Variants in NPAS3 observed in about 807,000 individuals in gnomAD.
NPAS3 encodes neuronal PAS domain protein 3.
A neutral mutation model predicts 73.1 loss-of-function variants in NPAS3; 14 were observed. The observed-to-expected ratio is 0.19, with a 90% CI of 0.13 to 0.30. The LOEUF (loss-of-function observed/expected upper bound fraction) is 0.30. Ranked by LOEUF, NPAS3 falls within the 10% of genes least tolerant of loss-of-function variation. The pLI, the probability that NPAS3 is intolerant of heterozygous loss-of-function variation, is 1.00. For missense variants in NPAS3, 1,096 were observed against 1,250.0 expected, an observed-to-expected ratio of 0.88 and a Z score of 1.86; for synonymous variants, 620 against 541.5, an observed-to-expected ratio of 1.14 and a Z score of -2.01.
intron 1 of NPAS3, among the ~76,000 whole-genome samples, chr14:33,044,642 G>T (rs1221049095): frequency 1.3e-5 from 2 of 150,210 alleles, no homozygotes; most frequent in African/African-American, 2.4e-5. Context: ...AATTCTAAGA[G>T]TGAGTTAGTT....
At chr14:33,617,053 C>CA (rs2057942073) in intron 5 of NPAS3, among the ~76,000 whole-genome samples, 1 of 152,148 alleles carries the variant, frequency 6.6e-6, no homozygotes, top group Non-Finnish European at 1.5e-5. Flanking sequence ...ATGAATCTGT[C>CA]AAAAAATTTC....
intron 5 of NPAS3, among the ~76,000 whole-genome samples, chr14:33,662,833 C>T (rs1457678374): frequency 4.2e-5 from 6 of 142,308 alleles, no homozygotes; most frequent in Non-Finnish European, 9.1e-5. Flanking sequence ...TGCTTATCAG[C>T]TTGAGGAGAT....
intron 1 of NPAS3, among the ~76,000 whole-genome samples, chr14:33,008,094 C>A: frequency 6.6e-6 from 1 of 151,900 alleles, no homozygotes; most frequent in East Asian, 1.9e-4. Context: ...AAAATAATTC[C>A]TAATAAAATG....
chr14:33,262,376 A>T (rs138876567), intron 3 of NPAS3, among the ~76,000 whole-genome samples: 15 of 152,354 alleles, frequency 9.8e-5, no homozygotes, highest in Admixed American at 7.2e-4. Context: ...TTCAAGTTCT[A>T]TACACAACCA....
rs747161536 is a variant in NPAS3, at chr14:33,298,932, C to CT, written c.386-68253dup. 7.9e-5 allele frequency among the ~76,000 whole-genome samples: 12 copies of CT among 152,258 alleles called. No homozygotes were observed. In the South Asian group the frequency reaches 2.5e-3, roughly 32 times the overall value. Reference sequence around the variant, plus strand: ...CCTATAATGGTGACTGCTTCAAGGACTGGGGGGCCTGTATTCATTTTATAA... The same window carrying CT: ...CCTATAATGGTGACTGCTTCAAGGACTTGGGGGGCCTGTATTCATTTTATAA... On this transcript the variant is annotated intron_variant, in intron 3 of 11. Coordinates refer to ENST00000356141, the Ensembl canonical transcript of NPAS3.
At chr14:33,031,502 G>GT (rs1203780351) in intron 1 of NPAS3, among the ~76,000 whole-genome samples, 2 of 151,988 alleles carry the variant, frequency 1.3e-5, no homozygotes, top group Non-Finnish European at 2.9e-5. Context: ...CTGTTTGTTT[G>GT]TTTTTTTAGA....
intron 5 of NPAS3, among the ~76,000 whole-genome samples, chr14:33,566,153 T>C (rs2055920871): frequency 6.6e-6 from 1 of 152,144 alleles, no homozygotes. Context: ...TTTAAATTGA[T>C]AAATGCTTGG....
chr14:33,566,673 T>C (rs533364425), intron 5 of NPAS3, among the ~76,000 whole-genome samples: 3 of 152,298 alleles, frequency 2.0e-5, no homozygotes, highest in Admixed American at 2.0e-4. Flanking sequence ...CATCGCCACC[T>C]TGAGCAGAGT....
intron 5 of NPAS3, among the ~76,000 whole-genome samples, chr14:33,626,191 T>C (rs1231444863): frequency 6.6e-6 from 1 of 152,148 alleles, no homozygotes; most frequent in Non-Finnish European, 1.5e-5. Context: ...GGAATGAAAA[T>C]GAATACGAAT....
rs145645713 is a variant in NPAS3 at position 33,228,823 on chromosome 14, C to T, written c.385+13397C>T. ...ACTGTGGGATCCAGGATGATTAACG[C>T]GAAAGGAGAAAAAGACGGTAGTCCT... On this transcript the variant is annotated intron_variant, in intron 3 of 11. Coordinates refer to ENST00000356141, the Ensembl canonical transcript of NPAS3. 5.5e-3 allele frequency among the ~76,000 whole-genome samples: 833 copies of T among 151,950 alleles called. 2 individuals are homozygous for T. The highest frequency in any genetic ancestry group is 0.024 in the Middle Eastern group (7 of 294).
chr14:33,495,896 A>C (rs1011986168), intron 4 of NPAS3, among the ~76,000 whole-genome samples: 1 of 152,116 alleles, frequency 6.6e-6, no homozygotes, highest in Admixed American at 6.6e-5. Flanking sequence ...CCTTCAAAAA[A>C]ATCAATGAAT....
In NPAS3 at chr14:33,016,750, T is replaced by A. The variant is rs923033169; in HGVS notation, c.51-39155T>A. Among the ~76,000 whole-genome samples, 3 of 152,078 alleles carry A rather than the reference T, an allele frequency of 2.0e-5. No homozygotes were observed. In the East Asian group the frequency reaches 5.8e-4, roughly 29 times the overall value. On this transcript the variant is annotated intron_variant, in intron 1 of 11. Coordinates refer to ENST00000356141, the Ensembl canonical transcript of NPAS3. ...ACTTAACCATTTATTTCTCTGTAACTCCCCTTGCGGCCTTCTGCCCCACCT... is the reference window on the plus strand; with the variant it reads ...ACTTAACCATTTATTTCTCTGTAACACCCCTTGCGGCCTTCTGCCCCACCT...
chr14:33,334,281 T>A (rs1157500600), intron 3 of NPAS3, among the ~76,000 whole-genome samples: 1 of 152,132 alleles, frequency 6.6e-6, no homozygotes, highest in Non-Finnish European at 1.5e-5. Context: ...GGTTAGAAAA[T>A]TTTTAGTAAA....
chr14:33,793,437 C>G (rs1401275234), intron 9 of NPAS3, among the ~76,000 whole-genome samples: 1 of 152,166 alleles, frequency 6.6e-6, no homozygotes, highest in South Asian at 2.1e-4. Context: ...ATTGCTCACA[C>G]GGAGGAGAAA....
intron 4 of NPAS3, among the ~76,000 whole-genome samples, chr14:33,466,950 G>A (rs573882587): frequency 6.6e-6 from 1 of 152,276 alleles, no homozygotes; most frequent in Non-Finnish European, 1.5e-5. Context: ...CCTTGAAGGA[G>A]GTAATAAAAG....
chr14:33,671,454 G>A (rs2140315890), intron 5 of NPAS3, among the ~76,000 whole-genome samples: 1 of 152,302 alleles, frequency 6.6e-6, no homozygotes, highest in South Asian at 2.1e-4. Context: ...CTAACAGAAT[G>A]TGAAATAAAT....
chr14:33,612,298 T>C, intron 5 of NPAS3: 1 of 424,624 alleles, frequency 2.4e-6, no homozygotes, highest in Non-Finnish European at 4.8e-6. Flanking sequence ...TCCATTCACA[T>C]TTGCGCTCAA....
intron 2 of NPAS3, among the ~76,000 whole-genome samples, chr14:33,096,999 AC>A (rs1340449761): frequency 2.0e-5 from 3 of 152,202 alleles, no homozygotes; most frequent in South Asian, 2.1e-4. Context: ...TATAGCCAGC[AC>A]CTTAATCAAG....
chr14:33,372,348 A>T (rs1358621060), intron 4 of NPAS3, among the ~76,000 whole-genome samples: 1 of 152,180 alleles, frequency 6.6e-6, no homozygotes, highest in East Asian at 1.9e-4. Context: ...TCTGCTGTGC[A>T]TATCTAATTA....
Sources: allele counts gnomAD v4.1 joint callset (sites outside exome capture counted in the v4.1 genomes callset), GRCh38; gene constraint gnomAD v4.1.1; transcripts MANE v1.5; gene names NCBI Gene and HGNC (gene_info 2026-07-23, HGNC 2026-07-21).